CDK13: variants seen among roughly 807,000 people sequenced by gnomAD.
CDK13 encodes cyclin dependent kinase 13.
CDK13 carries 40 observed loss-of-function variants against 137.6 expected under a neutral mutation model. That is an observed-to-expected ratio of 0.29 (90% CI 0.23 to 0.38). The LOEUF (loss-of-function observed/expected upper bound fraction) is 0.38. Among genes scored for constraint, CDK13 ranks in the 10% least tolerant of loss-of-function variants. CDK13 has a pLI of 1.00. For synonymous variants in CDK13, 869 were observed against 760.1 expected, an observed-to-expected ratio of 1.14 and a Z score of -2.36; for missense variants, 1,704 against 1,951.8, an observed-to-expected ratio of 0.87 and a Z score of 2.39.
chr7:40,037,314 G>T (rs1166620618), intron 5 of CDK13, among the ~76,000 whole-genome samples: 1 of 152,148 alleles, frequency 6.6e-6, no homozygotes, highest in African/African-American at 2.4e-5. Context: ...GTTAGCTAGG[G>T]TTGTCGTTAG....
chr7:40,017,920 A>G (rs1340916046), intron 5 of CDK13, among the ~76,000 whole-genome samples: 1 of 149,458 alleles, frequency 6.7e-6, no homozygotes, highest in African/African-American at 2.5e-5. Flanking sequence ...TGAAATTCCC[A>G]CGTTCTTTTT....
intron 1 of CDK13, among the ~76,000 whole-genome samples, chr7:39,967,156 A>G (rs1428498185): frequency 4.1e-5 from 6 of 144,782 alleles, no homozygotes; most frequent in African/African-American, 7.3e-5. Context: ...AGCCGAGTGC[A>G]GTGGCACACG....
chr7:40,009,583 G>A (rs1010248315), intron 5 of CDK13, among the ~76,000 whole-genome samples: 33 of 152,248 alleles, frequency 2.2e-4, no homozygotes, highest in Admixed American at 1.1e-3. Context: ...AATGTCCTTA[G>A]GGGTAAACAT....
intron 5 of CDK13, among the ~76,000 whole-genome samples, chr7:40,024,021 C>T (rs1017648330): frequency 1.4e-4 from 21 of 152,154 alleles, no homozygotes; most frequent in Admixed American, 9.2e-4. Context: ...GAAAGTAACA[C>T]CAGCCAAGAA....
chr7:40,004,632 T>G (rs1784759933), intron 5 of CDK13, among the ~76,000 whole-genome samples: 2 of 152,246 alleles, frequency 1.3e-5, no homozygotes, highest in African/African-American at 2.4e-5. Flanking sequence ...TGCCATGCTG[T>G]GTGGTATTAA....
intron 12 of CDK13, among the ~76,000 whole-genome samples, chr7:40,089,232 C>T (rs887369665): frequency 1.1e-4 from 16 of 151,272 alleles, no homozygotes; most frequent in Admixed American, 4.6e-4. Flanking sequence ...CCCATGAGTT[C>T]GAGACCAGCC....
Position 40,092,916 on chromosome 7 carries a change from C to G in CDK13, c.3367C>G (p.Gln1123Glu), listed in dbSNP as rs1786958583. The change falls in exon 13 of 14, where the codon CAA becomes GAA. Residue 1123 changes from glutamine (Q) to glutamate (E), a missense_variant. By Grantham distance (29) the Gln-to-Glu change is conservative (BLOSUM62 2). This residue lies in a region of CDK13 where 475 missense variants were observed against 579.3 expected (regional missense o/e 0.82). Transcript: ENST00000181839. ...VLNIKVNSET[Q>E]QQLNKINLPA... Reference sequence around the variant, plus strand: ...GAACATTAAGGTAAACTCTGAGACTCAACAGCAGCTAAATAAAATAAACCT... The same window carrying G: ...GAACATTAAGGTAAACTCTGAGACTGAACAGCAGCTAAATAAAATAAACCT... 1 of 1,613,980 alleles carries G rather than the reference C, an allele frequency of 6.2e-7. No individual in the cohort carries two copies. Among genetic ancestry groups the G allele is most frequent in the African/African-American group, 1.3e-5 (1 of 74,890 alleles).
intron 5 of CDK13, among the ~76,000 whole-genome samples, chr7:40,016,519 C>T (rs773411): frequency 0.76 from 115,478 of 152,020 alleles, 47,283 homozygotes; most frequent in Non-Finnish European, 0.93. Context: ...AGGTTTCTTA[C>T]TTGTTTTGGT....
intron 12 of CDK13, among the ~76,000 whole-genome samples, chr7:40,088,580 CT>C (rs1218895741): frequency 2.0e-5 from 3 of 152,098 alleles, no homozygotes; most frequent in Non-Finnish European, 2.9e-5. Flanking sequence ...TCTGTATTTC[CT>C]TTTTACTCTT....
chr7:40,031,077 C>G (rs1368976843), intron 5 of CDK13, among the ~76,000 whole-genome samples: 2 of 152,210 alleles, frequency 1.3e-5, no homozygotes, highest in African/African-American at 4.8e-5. Flanking sequence ...GCCAAACTGT[C>G]TTCCGTAGTG....
In CDK13 at chr7:39,950,473, G is replaced by A; in HGVS notation, c.-169G>A. The A allele has an allele frequency of 2.4e-6, 3 of 1,257,120 alleles. No individual in the cohort carries two copies. The highest frequency in any genetic ancestry group is 3.0e-6 in the Non-Finnish European group (3 of 1,002,076). 77.9% of individuals were successfully genotyped at this position (1,257,120 alleles called of 1,614,324 possible). A position where few individuals can be genotyped will look rare whatever the true frequency, so the allele number is the denominator to read the frequency against. On this transcript the variant is annotated 5_prime_UTR_variant, in exon 1 of 14. Coordinates refer to ENST00000181839, the MANE Select transcript of CDK13 (RefSeq NM_003718.5). ...GCTGCTGCGTACCCCACTGTGACCT[G>A]GAACCCAGGGACCCGAGTCCCGACC...
intron 1 of CDK13, among the ~76,000 whole-genome samples, chr7:39,971,007 T>C (rs982808764): frequency 6.6e-6 from 1 of 152,226 alleles, no homozygotes; most frequent in Admixed American, 6.5e-5. Flanking sequence ...AAAGATTGTT[T>C]TACTGGGTGT....
chr7:40,020,228 C>T (rs1192665414), intron 5 of CDK13, among the ~76,000 whole-genome samples: 1 of 151,890 alleles, frequency 6.6e-6, no homozygotes, highest in African/African-American at 2.4e-5. Flanking sequence ...CCACCATGCC[C>T]AGCTACTTTT....
At chr7:39,952,561 G>C (rs1384986369) in intron 1 of CDK13, 1 of 152,178 alleles carries the variant, frequency 6.6e-6, no homozygotes, top group Non-Finnish European at 1.5e-5. Context: ...TTGTTGGTTT[G>C]TGATGACACC....
rs114091036 is a variant in CDK13 at position 40,020,752 on chromosome 7, T to A, written c.2353+18721T>A. Among the ~76,000 whole-genome samples the A allele has an allele frequency of 6.3e-3, 957 of 152,330 alleles. 5 individuals are homozygous for A. The highest frequency in any genetic ancestry group is 0.022 in the African/African-American group (914 of 41,566). On this transcript the variant is annotated intron_variant, in intron 5 of 13. Coordinates refer to ENST00000181839, the MANE Select transcript of CDK13 (RefSeq NM_003718.5). ...TAGGTGAAATGCTTTGTAGGTAAAA[T>A]TTTTAAAAAGCAAGGTAGCTTTTAA...
At chr7:39,990,779 T>G (rs1486076206) in intron 2 of CDK13, among the ~76,000 whole-genome samples, 1 of 152,210 alleles carries the variant, frequency 6.6e-6, no homozygotes, top group Non-Finnish European at 1.5e-5. Context: ...CCTCACAGAT[T>G]AGTTGTAAAG....
At chr7:40,032,708 A>G (rs1785405972) in intron 5 of CDK13, among the ~76,000 whole-genome samples, 1 of 151,584 alleles carries the variant, frequency 6.6e-6, no homozygotes, top group South Asian at 2.1e-4. Flanking sequence ...TTTTTAATGG[A>G]TGCATTTCTG....
intron 5 of CDK13, among the ~76,000 whole-genome samples, chr7:40,004,589 A>G (rs887080870): frequency 1.3e-5 from 2 of 152,254 alleles, no homozygotes; most frequent in Non-Finnish European, 2.9e-5. Flanking sequence ...AATCCTGAGC[A>G]TGCTAGCTGT....
At chr7:40,025,307 G>A (rs1249063894) in intron 5 of CDK13, among the ~76,000 whole-genome samples, 1 of 152,116 alleles carries the variant, frequency 6.6e-6, no homozygotes, top group East Asian at 1.9e-4. Context: ...ATGTGAACAA[G>A]TCTTACTTGT....
Sources: gnomAD v4.1 joint callset for allele counts (sites outside exome capture counted in the v4.1 genomes callset) on GRCh38, gnomAD v4.1.1 for gene constraint, gnomAD v4.1.1 regional missense constraint, MANE v1.5 for transcripts, NCBI Gene and HGNC (gene_info 2026-07-23, HGNC 2026-07-21) for gene names.